Variants in DLG1 observed in about 807,000 individuals in gnomAD.
DLG1 encodes the protein discs large MAGUK scaffold protein 1.
A neutral mutation model predicts 123.4 loss-of-function variants in DLG1; 42 were observed. That is an observed-to-expected ratio of 0.34 (90% confidence interval 0.27 to 0.44). The LOEUF is 0.44. Ranked by LOEUF, DLG1 falls within the 20% of genes least tolerant of loss-of-function variation. The pLI is 1.00. For synonymous variants in DLG1, 317 were observed against 356.2 expected (o/e 0.89, Z 1.24); for missense variants, 942 against 1,082.6 (o/e 0.87, Z 1.82).
intron 5 of DLG1, among the ~76,000 whole-genome samples, chr3:197,189,895 T>C (rs1002828054): frequency 3.3e-5 from 5 of 152,134 alleles, no homozygotes; most frequent in Non-Finnish European, 7.4e-5. Flanking sequence ...ATTTCAGAAA[T>C]GGTAAATGTG....
At chr3:197,163,452 G>A (rs956639418) in intron 5 of DLG1, among the ~76,000 whole-genome samples, 6 of 151,956 alleles carry the variant, frequency 3.9e-5, no homozygotes, top group Non-Finnish European at 5.9e-5. Context: ...GTCAAAAGGC[G>A]GAAAGAAACC....
chr3:197,114,951 T>C (rs1255187713), intron 13 of DLG1, among the ~76,000 whole-genome samples: 1 of 125,376 alleles, frequency 8.0e-6, no homozygotes, highest in Non-Finnish European at 1.6e-5. Context: ...CTGCACTCCA[T>C]CCAGCCTGGG....
chr3:197,241,700 G>C (rs1398216401), intron 4 of DLG1, among the ~76,000 whole-genome samples: 1 of 152,166 alleles, frequency 6.6e-6, no homozygotes, highest in African/African-American at 2.4e-5. Flanking sequence ...AGGGAGGGAT[G>C]AAGTTAAATT....
intron 5 of DLG1, among the ~76,000 whole-genome samples, chr3:197,168,435 T>TA (rs1353179263): frequency 1.3e-5 from 2 of 152,132 alleles, no homozygotes; most frequent in Admixed American, 6.5e-5. Context: ...AAACAAATAA[T>TA]AATCAAATGA....
rs181612212 is a variant in DLG1, at chr3:197,076,828, G to A, written c.1906-143C>T. On this transcript the variant is annotated intron_variant, in intron 17 of 24. Coordinates refer to ENST00000667157, the MANE Select transcript of DLG1 (RefSeq NM_001366207.1). Reference sequence around the variant, plus strand: ...GATTTTTACTTTAATCTCATATAAAGTGAATTTCTACTTTTGTATAAATTC... The same window carrying A: ...GATTTTTACTTTAATCTCATATAAAATGAATTTCTACTTTTGTATAAATTC... 42 of 452,326 alleles carry A rather than the reference G, an allele frequency of 9.3e-5. No individual in the cohort carries two copies. In the Middle Eastern group the frequency reaches 3.7e-3, roughly 40 times the overall value. 28.0% of individuals were successfully genotyped at this position (452,326 alleles called of 1,614,324 possible).
At chr3:197,114,972 A>T (rs989722117) in intron 13 of DLG1, among the ~76,000 whole-genome samples, 4 of 131,474 alleles carry the variant, frequency 3.0e-5, no homozygotes, top group Admixed American at 1.7e-4. Context: ...CAACAGAGCG[A>T]GACTCCATCT....
chr3:197,278,471 T>TA (rs535299892), intron 4 of DLG1, among the ~76,000 whole-genome samples: 180 of 150,682 alleles, frequency 1.2e-3, no homozygotes, highest in African/African-American at 4.2e-3. Context: ...ACACAGTTTC[T>TA]AAAAAAACAA....
chr3:197,269,983 C>T (rs1763251242), intron 4 of DLG1, among the ~76,000 whole-genome samples: 2 of 152,008 alleles, frequency 1.3e-5, no homozygotes, highest in South Asian at 2.1e-4. Flanking sequence ...TCTTCTCACG[C>T]GATATTTCTC....
At chr3:197,259,522 A>T (rs1444606658) in intron 4 of DLG1, among the ~76,000 whole-genome samples, 1 of 152,196 alleles carries the variant, frequency 6.6e-6, no homozygotes, top group Non-Finnish European at 1.5e-5. Flanking sequence ...TTTGTCTAGC[A>T]ATCACTATGA....
intron 8 of DLG1, among the ~76,000 whole-genome samples, chr3:197,139,363 C>A (rs1315484463): frequency 6.6e-6 from 1 of 152,052 alleles, no homozygotes. Context: ...CATTAATATA[C>A]CACCTGTCAT....
chr3:197,276,871 T>C (rs1766682925), intron 4 of DLG1, among the ~76,000 whole-genome samples: 1 of 152,012 alleles, frequency 6.6e-6, no homozygotes, highest in African/African-American at 2.4e-5. Flanking sequence ...AATCAAAATT[T>C]TTATTTTTTT....
chr3:197,289,369 A>ACACACACAC (rs1560175311), intron 3 of DLG1, among the ~76,000 whole-genome samples: 1 of 98,380 alleles, frequency 1.0e-5, no homozygotes, highest in Non-Finnish European at 2.3e-5. Flanking sequence ...CACACACACA[A>ACACACACAC]ATAACATTCC....
intron 4 of DLG1, among the ~76,000 whole-genome samples, chr3:197,219,012 C>T (rs1735504937): frequency 6.6e-6 from 1 of 152,060 alleles, no homozygotes. Flanking sequence ...TGACTGTAAT[C>T]CCAGCTACTC....
chr3:197,113,618 C>G (rs1406832732), intron 13 of DLG1, among the ~76,000 whole-genome samples: 1 of 152,098 alleles, frequency 6.6e-6, no homozygotes, highest in Non-Finnish European at 1.5e-5. Flanking sequence ...ACTTACAACC[C>G]ATGAACCTTT....
rs1721624906 is a variant in DLG1 at position 197,044,507 on chromosome 3, T to C, written c.*116A>G. The C allele has an allele frequency of 3.4e-6, 2 of 592,270 alleles. No individual in the cohort carries two copies. Among genetic ancestry groups the C allele is most frequent in the East Asian group, 2.9e-5 (1 of 34,888 alleles). 36.7% of individuals were successfully genotyped at this position (592,270 alleles called of 1,614,324 possible). On this transcript the variant is annotated 3_prime_UTR_variant, in exon 25 of 25. Transcript: ENST00000667157. ...GTGAAAAAGAAGCTGCAGACCATGA[T>C]GTGTGGGATACAATTCAACATGAAA...
Position 197,185,639 on chromosome 3 carries a change from A to G in DLG1, c.483+8786T>C, listed in dbSNP as rs559241558. On this transcript the variant is annotated intron_variant, in intron 5 of 24. Transcript: ENST00000667157. Reference sequence around the variant, plus strand: ...TTTTGTTATGGACCAGGTACCTAGTAAAGACCTGATTAGTGTGGTTTATAT... The same window carrying G: ...TTTTGTTATGGACCAGGTACCTAGTGAAGACCTGATTAGTGTGGTTTATAT... 9.2e-5 allele frequency among the ~76,000 whole-genome samples: 14 copies of G among 152,312 alleles called. No homozygotes were observed. In the East Asian group the frequency reaches 2.7e-3, roughly 29 times the overall value.
intron 4 of DLG1, among the ~76,000 whole-genome samples, chr3:197,209,111 T>C (rs1730070194): frequency 6.8e-6 from 1 of 146,048 alleles, no homozygotes; most frequent in East Asian, 2.0e-4. Flanking sequence ...CACCACTAAA[T>C]GATGTTGAGA....
intron 4 of DLG1, among the ~76,000 whole-genome samples, chr3:197,233,711 G>C (rs1026053536): frequency 1.3e-5 from 2 of 152,078 alleles, no homozygotes; most frequent in African/African-American, 4.8e-5. Flanking sequence ...GTAGAGACGG[G>C]GTTTCACCAT....
At chr3:197,155,412 GAACTGCCCTGAAAGATGTGCTAA>G (rs1401355099) in intron 5 of DLG1, among the ~76,000 whole-genome samples, 3 of 152,104 alleles carry the variant, frequency 2.0e-5, no homozygotes, top group Non-Finnish European at 4.4e-5. Flanking sequence ...GTTATCACTA[GAACTGCCCTGAAAGATGTGCTAA>G]AGGTAGCAGT....
Sources: gnomAD v4.1 joint callset for allele counts (sites outside exome capture counted in the v4.1 genomes callset) on GRCh38, gnomAD v4.1.1 for gene constraint, MANE v1.5 for transcripts, NCBI Gene and HGNC (gene_info 2026-07-23, HGNC 2026-07-21) for gene names.